JAKMIP2: variants seen among roughly 807,000 people sequenced by gnomAD.
JAKMIP2 encodes the protein janus kinase and microtubule-interacting protein 2.
A neutral mutation model predicts 115.0 loss-of-function variants in JAKMIP2; 25 were observed. The observed-to-expected ratio is 0.22, with a 90% confidence interval of 0.16 to 0.30. The LOEUF (loss-of-function observed/expected upper bound fraction) is 0.30. Among genes scored for constraint, JAKMIP2 ranks in the 10% least tolerant of loss-of-function variants. JAKMIP2 has a pLI of 1.00. For synonymous variants in JAKMIP2, 334 were observed against 343.6 expected (o/e 0.97, Z 0.31); for missense variants, 642 against 957.6 (o/e 0.67, Z 4.35).
intron 12 of JAKMIP2, 155 bp from the exon 13 acceptor site, chr5:147,632,933 G>T: frequency 3.6e-6 from 2 of 555,008 alleles, no homozygotes; most frequent in East Asian, 6.0e-5. Context: ...ATTTGGCTTT[G>T]GCTTTCCTTC....
intron 1 of JAKMIP2, among the ~76,000 whole-genome samples, chr5:147,747,079 A>C (rs1188384146): frequency 3.3e-5 from 5 of 152,172 alleles, no homozygotes; most frequent in African/African-American, 7.2e-5. Context: ...ACTCTCCCAC[A>C]TACCATAGTG....
chr5:147,749,437 A>T (rs1754471781), intron 1 of JAKMIP2, among the ~76,000 whole-genome samples: 1 of 152,202 alleles, frequency 6.6e-6, no homozygotes, highest in South Asian at 2.1e-4. Context: ...ACAGAGCTAG[A>T]AGTCAAACCC....
intron 17 of JAKMIP2, among the ~76,000 whole-genome samples, chr5:147,623,379 C>T (rs77462270): frequency 0.02 from 3,086 of 152,064 alleles, 101 homozygotes; most frequent in African/African-American, 0.067. Flanking sequence ...CATAAGAAAA[C>T]TCAATTTTCT....
chr5:147,688,612 G>T (rs1760684223), intron 1 of JAKMIP2, among the ~76,000 whole-genome samples: 1 of 152,080 alleles, frequency 6.6e-6, no homozygotes, highest in Non-Finnish European at 1.5e-5. Flanking sequence ...TTGACCTTCT[G>T]CTCAGTGTTG....
At chr5:147,600,359 A>T (rs1755633316) in intron 21 of JAKMIP2, among the ~76,000 whole-genome samples, 1 of 152,120 alleles carries the variant, frequency 6.6e-6, no homozygotes. Flanking sequence ...GAGCATATCT[A>T]CTTAACTCTT....
intron 16 of JAKMIP2, among the ~76,000 whole-genome samples, chr5:147,626,639 C>T (rs1382974595): frequency 6.6e-6 from 1 of 152,154 alleles, no homozygotes; most frequent in African/African-American, 2.4e-5. Context: ...AGGAGCACTG[C>T]GCAAGTCTTG....
chr5:147,647,258 A>C (rs1328282167), intron 5 of JAKMIP2, among the ~76,000 whole-genome samples: 2 of 152,126 alleles, frequency 1.3e-5, no homozygotes, highest in Admixed American at 1.3e-4. Flanking sequence ...CCCATATATC[A>C]AAGAAAAATT....
At chr5:147,688,843 C>T (rs1250054844) in intron 1 of JAKMIP2, among the ~76,000 whole-genome samples, 1 of 152,190 alleles carries the variant, frequency 6.6e-6, no homozygotes, top group Non-Finnish European at 1.5e-5. Flanking sequence ...AAGCACTGTA[C>T]TTGGTATGGA....
chr5:147,763,313 C>T (rs1754998690), intron 1 of JAKMIP2, among the ~76,000 whole-genome samples: 1 of 152,084 alleles, frequency 6.6e-6, no homozygotes, highest in Admixed American at 6.6e-5. Flanking sequence ...AGATAAAACT[C>T]CCAGTTCATC....
intron 21 of JAKMIP2, among the ~76,000 whole-genome samples, chr5:147,597,601 T>A (rs7447317): frequency 0.95 from 144,830 of 152,260 alleles, 69,287 homozygotes; most frequent in East Asian, 1. Context: ...TTCTTCATTA[T>A]TTCATCCTTG....
At chr5:147,611,061 C>T (rs901242926) in intron 20 of JAKMIP2, among the ~76,000 whole-genome samples, 3 of 152,182 alleles carry the variant, frequency 2.0e-5, no homozygotes, top group Admixed American at 1.3e-4. Context: ...CCCAGGTTGA[C>T]TTCAGACTGC....
intron 1 of JAKMIP2, among the ~76,000 whole-genome samples, chr5:147,692,765 A>G (rs138165906): frequency 1.3e-5 from 2 of 152,340 alleles, no homozygotes; most frequent in African/African-American, 4.8e-5. Context: ...ATTTGAAAGC[A>G]TAATAAAGCT....
chr5:147,697,480 A>G (rs1050161579), intron 1 of JAKMIP2, among the ~76,000 whole-genome samples: 2 of 152,206 alleles, frequency 1.3e-5, no homozygotes, highest in Non-Finnish European at 2.9e-5. Context: ...AATGGAGAAT[A>G]TGTCTCCAGG....
chr5:147,621,381 G>A (rs1756840320), intron 17 of JAKMIP2, among the ~76,000 whole-genome samples: 1 of 152,186 alleles, frequency 6.6e-6, no homozygotes, highest in Non-Finnish European at 1.5e-5. Flanking sequence ...ATAGTCCCAA[G>A]CACAAGTCAA....
Position 147,641,756 on chromosome 5 carries a change from T to C in JAKMIP2, c.1233A>G (p.Glu411=), listed in dbSNP as rs1373342377. 1 of 1,613,168 alleles carries C rather than the reference T, an allele frequency of 6.2e-7. No individual in the cohort carries two copies. Among genetic ancestry groups the C allele is most frequent in the Admixed American group, 1.7e-5 (1 of 60,016 alleles). Residue 411 remains glutamate (E), a synonymous_variant, in exon 8 of 22, where the codon GAA becomes GAG. Coordinates refer to ENST00000616793, the MANE Select transcript of JAKMIP2 (RefSeq NM_001270941.2). ...NIIDELTRDR[E]KLIRRRKHRR... is the part of the protein sequence containing the mutation. ...TATGCTTTCTTCTACGGATGAGCTT[T>C]TCTCGGTCCTGGAAAACAGATGAAA...
chr5:147,607,530 G>A (rs188731705), intron 20 of JAKMIP2, among the ~76,000 whole-genome samples: 2 of 152,298 alleles, frequency 1.3e-5, no homozygotes, highest in Non-Finnish European at 2.9e-5. Context: ...AAGCCAATGC[G>A]ATCGTGGTGG....
At position 147,631,408 on chromosome 5, in the gene JAKMIP2, C is replaced by T; in HGVS notation, c.1875+5G>A. On this transcript the variant is annotated splice_donor_5th_base_variant and intron_variant, in intron 14 of 21. Transcript: ENST00000616793. ...ACAAACATAAAAAATGAAATATCTG[C>T]CTACCTTAACACCTTCTTTCATACA... The T allele has an allele frequency of 6.4e-7, 1 of 1,553,462 alleles. No individual in the cohort carries two copies. The highest frequency in any genetic ancestry group is 8.8e-7 in the Non-Finnish European group (1 of 1,139,704).
chr5:147,714,392 A>G (rs1752888333), intron 1 of JAKMIP2, among the ~76,000 whole-genome samples: 1 of 152,190 alleles, frequency 6.6e-6, no homozygotes, highest in Admixed American at 6.5e-5. Context: ...GTAACAGAAG[A>G]ATCAGGGAAT....
Position 147,632,569 on chromosome 5 carries a change from C to T in JAKMIP2, c.1776+111G>A, listed in dbSNP as rs78782065. The T allele has an allele frequency of 1.9e-3, 1,361 of 732,608 alleles. 16 individuals are homozygous for T. The African/African-American group carries it at 0.022, about 12-fold the overall frequency. The allele number at this position is 732,608 out of a possible 1,614,324, so 45.4% of individuals were successfully genotyped here. Reference sequence around the variant, plus strand: ...TAATTTTGAGGGTGATTGTGAGGTCCAAATGAGAGTATGAATCTGAAATGC... The same window carrying T: ...TAATTTTGAGGGTGATTGTGAGGTCTAAATGAGAGTATGAATCTGAAATGC... On this transcript the variant is annotated intron_variant, in intron 13 of 21. Transcript: ENST00000616793.
Sources: allele counts gnomAD v4.1 joint callset (sites outside exome capture counted in the v4.1 genomes callset), GRCh38; gene constraint gnomAD v4.1.1; transcripts MANE v1.5; gene names NCBI Gene and HGNC (gene_info 2026-07-23, HGNC 2026-07-21).